The following PTPRD variants were observed in gnomAD, a reference collection of about 807,000 sequenced individuals.
PTPRD encodes receptor-type tyrosine-protein phosphatase delta.
PTPRD carries 34 observed loss-of-function variants against 214.5 expected under a neutral mutation model. The ratio of observed to expected loss-of-function variants is 0.16; its 90% confidence interval spans 0.12 to 0.21. PTPRD has a LOEUF of 0.21. Ranked by LOEUF, PTPRD falls within the 10% of genes least tolerant of loss-of-function variation. The pLI, the probability that PTPRD is intolerant of heterozygous loss-of-function variation, is 1.00. For missense variants in PTPRD, 2,545 were observed against 2,398.7 expected (o/e 1.06, Z -1.27); for synonymous variants, 1,128 against 845.7 (o/e 1.33, Z -5.79).
rs71332760 is a variant in PTPRD at position 10,564,171 on chromosome 9, C to CTTTTTTTTTTTTTTTTTTT, written c.-600+48208_-600+48226dup. Among the ~76,000 whole-genome samples the CTTTTTTTTTTTTTTTTTTT allele has an allele frequency of 4.0e-3, 118 of 29,400 alleles. 33 individuals are homozygous for CTTTTTTTTTTTTTTTTTTT. The highest frequency in any genetic ancestry group is 0.011 in the African/African-American group (67 of 6,258). 19.3% of individuals were successfully genotyped at this position (29,400 alleles called of 152,430 possible). ...GTGTGCACCACCACACTAGGCTATTCTTTTTTTTTTTTTTTTTTTTTTTTG... is the reference window on the plus strand; with the variant it reads ...GTGTGCACCACCACACTAGGCTATTCTTTTTTTTTTTTTTTTTTTTTTTTTTTTTTTTTTTTTTTTTTTG... On this transcript the variant is annotated intron_variant, in intron 2 of 45. Transcript: ENST00000381196.
intron 14 of PTPRD, among the ~76,000 whole-genome samples, chr9:8,630,433 G>A (rs560502543): frequency 7.3e-4 from 111 of 151,914 alleles, no homozygotes; most frequent in African/African-American, 2.4e-3. Context: ...ACAATATTTA[G>A]AAGTTTTAAG....
intron 2 of PTPRD, among the ~76,000 whole-genome samples, chr9:10,581,385 T>C (rs542314035): frequency 7.2e-4 from 110 of 152,348 alleles, no homozygotes; most frequent in African/African-American, 2.5e-3. Context: ...CTGACAAGTT[T>C]ATAGACTGCT....
intron 36 of PTPRD, among the ~76,000 whole-genome samples, chr9:8,404,018 T>C (rs1022831016): frequency 4.6e-5 from 7 of 152,196 alleles, no homozygotes; most frequent in Admixed American, 6.5e-5. Flanking sequence ...AAGAAGGTAA[T>C]GAGAGATGCA....
chr9:10,469,944 GAA>G (rs534266855), intron 2 of PTPRD, among the ~76,000 whole-genome samples: 1 of 140,694 alleles, frequency 7.1e-6, no homozygotes. Context: ...TGTGAGAGCT[GAA>G]AAAAAAAAAA....
chr9:10,357,861 C>T (rs986158319), intron 2 of PTPRD, among the ~76,000 whole-genome samples: 1 of 152,070 alleles, frequency 6.6e-6, no homozygotes, highest in Non-Finnish European at 1.5e-5. Flanking sequence ...TCACTGGGGA[C>T]TTTTTGGTAC....
At chr9:8,981,105 G>T (rs1407058628) in intron 11 of PTPRD, among the ~76,000 whole-genome samples, 1 of 151,920 alleles carries the variant, frequency 6.6e-6, no homozygotes, top group East Asian at 1.9e-4. Flanking sequence ...CAAAAGCTCA[G>T]TGCTTTCAGG....
intron 14 of PTPRD, among the ~76,000 whole-genome samples, chr9:8,551,951 A>G (rs898588217): frequency 3.3e-5 from 5 of 152,310 alleles, no homozygotes; most frequent in Admixed American, 1.3e-4. Flanking sequence ...AAAATAATCT[A>G]TGTTGGGATT....
At chr9:8,671,857 G>T (rs1290391551) in intron 12 of PTPRD, among the ~76,000 whole-genome samples, 1 of 152,094 alleles carries the variant, frequency 6.6e-6, no homozygotes, top group East Asian at 1.9e-4. Context: ...TGCACTATTT[G>T]TCCTGAATCC....
chr9:9,514,956 C>CT (rs1254172273), intron 8 of PTPRD, among the ~76,000 whole-genome samples: 1 of 152,010 alleles, frequency 6.6e-6, no homozygotes, highest in Non-Finnish European at 1.5e-5. Context: ...GATTTGAGGA[C>CT]TTTTTTTAAA....
intron 2 of PTPRD, among the ~76,000 whole-genome samples, chr9:10,392,198 G>A (rs958162273): frequency 7.2e-5 from 11 of 151,906 alleles, no homozygotes; most frequent in East Asian, 2.0e-4. Flanking sequence ...ATTTTCTATC[G>A]TATAGCAAAG....
chr9:10,108,487 G>A (rs141054609), intron 3 of PTPRD, among the ~76,000 whole-genome samples: 45 of 151,484 alleles, frequency 3.0e-4, no homozygotes, highest in African/African-American at 1.0e-3. Context: ...CCCCATCCCA[G>A]CTTCTGGTAC....
At chr9:10,511,904 A>ACG (rs2048197887) in intron 2 of PTPRD, among the ~76,000 whole-genome samples, 1 of 125,420 alleles carries the variant, frequency 8.0e-6, no homozygotes, top group African/African-American at 3.1e-5. Flanking sequence ...ATATATATAC[A>ACG]TATATATATA....
chr9:8,341,226 C>T lies in PTPRD; in HGVS notation c.4990G>A (p.Ala1664Thr), dbSNP rs2132439055. ...TTGAATTTATTACATGGAAGATTGGCACTGATAAACCTTGAGGTGTGAGCT... is the reference window on the plus strand; with the variant it reads ...TTGAATTTATTACATGGAAGATTGGTACTGATAAACCTTGAGGTGTGAGCT... ...SKAHTSRFIS[A>T]NLPCNKFKNR... Residue 1664 changes from alanine to threonine, a missense_variant, in exon 41 of 46, where the codon GCC (alanine) becomes ACC (threonine). Ala to Thr is a moderately conservative substitution (Grantham distance 58). Coordinates refer to ENST00000381196, the MANE Select transcript of PTPRD (RefSeq NM_002839.4). 1 of 1,611,832 alleles carries T rather than the reference C, an allele frequency of 6.2e-7. No individual in the cohort carries two copies. Among genetic ancestry groups the T allele is most frequent in the Non-Finnish European group, 8.5e-7 (1 of 1,179,040 alleles).
At chr9:9,601,648 C>T (rs770907841) in intron 7 of PTPRD, among the ~76,000 whole-genome samples, 1 of 152,050 alleles carries the variant, frequency 6.6e-6, no homozygotes, top group South Asian at 2.1e-4. Flanking sequence ...AAGATATATG[C>T]AGTCATCATA....
intron 35 of PTPRD, among the ~76,000 whole-genome samples, chr9:8,422,016 T>G (rs2094398162): frequency 6.6e-6 from 1 of 150,748 alleles, no homozygotes; most frequent in Non-Finnish European, 1.5e-5. Flanking sequence ...TGGGGTGGTG[T>G]GTGTTTGTAA....
At chr9:9,928,127 G>A (rs542702763) in intron 5 of PTPRD, among the ~76,000 whole-genome samples, 24 of 152,172 alleles carry the variant, frequency 1.6e-4, no homozygotes, top group African/African-American at 5.3e-4. Flanking sequence ...AATGTCAACC[G>A]TTAAAATTCA....
intron 12 of PTPRD, among the ~76,000 whole-genome samples, chr9:8,680,042 A>G (rs944354612): frequency 6.6e-6 from 1 of 152,292 alleles, no homozygotes; most frequent in Non-Finnish European, 1.5e-5. Flanking sequence ...TAATATTGAA[A>G]CATTTCTTAT....
intron 39 of PTPRD, among the ~76,000 whole-genome samples, chr9:8,345,780 C>A (rs1009625841): frequency 2.6e-5 from 4 of 152,096 alleles, no homozygotes; most frequent in Non-Finnish European, 5.9e-5. Context: ...AATCTACTGG[C>A]ATCCGTTCAG....
chr9:9,093,094 T>C (rs530299546), intron 10 of PTPRD, among the ~76,000 whole-genome samples: 25 of 152,122 alleles, frequency 1.6e-4, no homozygotes, highest in African/African-American at 5.5e-4. Flanking sequence ...TGGAGGGACA[T>C]TGCATAGTGA....
Sources: gnomAD v4.1 joint callset for allele counts (sites outside exome capture counted in the v4.1 genomes callset) on GRCh38, gnomAD v4.1.1 for gene constraint, MANE v1.5 for transcripts, NCBI Gene and HGNC (gene_info 2026-07-23, HGNC 2026-07-21) for gene names.